Variants in SLC9A9 observed in about 807,000 individuals in gnomAD.
SLC9A9 encodes the protein sodium/hydrogen exchanger 9.
A neutral mutation model predicts 77.8 loss-of-function variants in SLC9A9; 62 were observed. The ratio of observed to expected loss-of-function variants is 0.80; its 90% CI spans 0.65 to 0.98. The LOEUF is 0.98. Among genes scored for constraint, SLC9A9 ranks in the 50% least tolerant of loss-of-function variants. SLC9A9 has a pLI of 0.00. For synonymous variants in SLC9A9, 320 were observed against 283.5 expected (o/e 1.13, Z -1.29); for missense variants, 775 against 774.9 (o/e 1.00, Z 0.00).
chr3:143,499,868 T>TA (rs2035898882), intron 9 of SLC9A9, among the ~76,000 whole-genome samples: 1 of 152,234 alleles, frequency 6.6e-6, no homozygotes, highest in African/African-American at 2.4e-5. Flanking sequence ...AAAATGTTGT[T>TA]AATTACATTA....
intron 6 of SLC9A9, among the ~76,000 whole-genome samples, chr3:143,645,442 C>T (rs775092657): frequency 2.6e-5 from 4 of 152,036 alleles, no homozygotes; most frequent in Non-Finnish European, 5.9e-5. Context: ...TATTGAGGGC[C>T]GAGATGAGTG....
chr3:143,529,137 G>A (rs937306191), intron 9 of SLC9A9, among the ~76,000 whole-genome samples: 7 of 152,200 alleles, frequency 4.6e-5, no homozygotes, highest in African/African-American at 1.7e-4. Context: ...GGGTAGAGAC[G>A]CAGTCAAGCC....
At chr3:143,470,942 T>C (rs943249430) in intron 11 of SLC9A9, among the ~76,000 whole-genome samples, 1 of 152,140 alleles carries the variant, frequency 6.6e-6, no homozygotes, top group African/African-American at 2.4e-5. Context: ...ATATAGAACA[T>C]CTATATTTAC....
chr3:143,389,515 A>C (rs1202368376), intron 12 of SLC9A9, among the ~76,000 whole-genome samples: 2 of 152,196 alleles, frequency 1.3e-5, no homozygotes, highest in Non-Finnish European at 2.9e-5. Context: ...AGCCATATTA[A>C]AGAAGGAGAA....
At chr3:143,398,521 G>A (rs2033779953) in intron 12 of SLC9A9, among the ~76,000 whole-genome samples, 1 of 152,148 alleles carries the variant, frequency 6.6e-6, no homozygotes, top group Non-Finnish European at 1.5e-5. Context: ...AACATATGGA[G>A]TTTGGGAAGA....
chr3:143,355,441 C>T (rs546530299), intron 14 of SLC9A9, among the ~76,000 whole-genome samples: 1 of 152,232 alleles, frequency 6.6e-6, no homozygotes, highest in South Asian at 2.1e-4. Context: ...TAGGGACTTC[C>T]ATTATCCCCA....
intron 6 of SLC9A9, among the ~76,000 whole-genome samples, chr3:143,590,340 A>G (rs1232692956): frequency 2.0e-5 from 3 of 152,346 alleles, no homozygotes; most frequent in Middle Eastern, 3.4e-3. Context: ...ATTAGCTGTT[A>G]TTATTGCTAT....
intron 1 of SLC9A9, among the ~76,000 whole-genome samples, chr3:143,840,857 A>G (rs956412151): frequency 1.1e-4 from 17 of 152,232 alleles, no homozygotes. Flanking sequence ...TGGTTAAGTC[A>G]TAAGTTTTCT....
intron 11 of SLC9A9, among the ~76,000 whole-genome samples, chr3:143,489,778 T>G (rs1302694695): frequency 1.3e-5 from 2 of 152,048 alleles, no homozygotes; most frequent in Non-Finnish European, 1.5e-5. Context: ...AAATGATATG[T>G]CTGATAAAGG....
chr3:143,268,858 G>C lies in SLC9A9; in HGVS notation c.1710+17C>G, dbSNP rs1233906435. 1.3e-6 allele frequency: 2 copies of C among 1,591,212 alleles called. No homozygotes were observed. Among genetic ancestry groups the C allele is most frequent in the East Asian group, 4.5e-5 (2 of 44,378 alleles). The stretch of plus-strand genomic sequence containing the variant: ...CAAGGGATATTCCCTCACCCTAGAG[G>C]CCTGAGATTTACTTACCCCATAGGC... On this transcript the variant is annotated intron_variant, in intron 15 of 15. Coordinates refer to ENST00000316549, the MANE Select transcript of SLC9A9 (RefSeq NM_173653.4).
chr3:143,392,334 C>A (rs187417581), intron 12 of SLC9A9, among the ~76,000 whole-genome samples: 2 of 152,256 alleles, frequency 1.3e-5, no homozygotes, highest in East Asian at 3.9e-4. Flanking sequence ...CCCAGAATTT[C>A]ATATCCAGCC....
intron 14 of SLC9A9, among the ~76,000 whole-genome samples, chr3:143,299,146 A>T (rs1446894819): frequency 6.6e-6 from 1 of 152,220 alleles, no homozygotes; most frequent in Admixed American, 6.5e-5. Flanking sequence ...AAAATGTGGA[A>T]AGAGCATTTA....
At chr3:143,611,646 A>G (rs1317501982) in intron 6 of SLC9A9, among the ~76,000 whole-genome samples, 2 of 152,238 alleles carry the variant, frequency 1.3e-5, no homozygotes, top group African/African-American at 2.4e-5. Context: ...CTGAATAAAA[A>G]TAATAGGTAG....
intron 9 of SLC9A9, chr3:143,517,659 C>A (rs1490014235): frequency 6.3e-7 from 1 of 1,596,986 alleles, no homozygotes; most frequent in Non-Finnish European, 8.5e-7. Context: ...AGTCTGTGTG[C>A]TTTCGCCCGC....
At chr3:143,362,312 C>T (rs1327033204) in intron 14 of SLC9A9, among the ~76,000 whole-genome samples, 1 of 152,186 alleles carries the variant, frequency 6.6e-6, no homozygotes, top group African/African-American at 2.4e-5. Context: ...ACCTCAAAAA[C>T]CCTCTATCTT....
chr3:143,610,941 G>C (rs910564507), intron 6 of SLC9A9, among the ~76,000 whole-genome samples: 1 of 151,922 alleles, frequency 6.6e-6, no homozygotes, highest in African/African-American at 2.4e-5. Context: ...CTCAGTCTGG[G>C]CTTTCTACAG....
intron 4 of SLC9A9, among the ~76,000 whole-genome samples, chr3:143,711,667 A>G (rs1461494680): frequency 2.0e-5 from 3 of 150,182 alleles, no homozygotes; most frequent in Non-Finnish European, 4.4e-5. Context: ...CCTTCCCACT[A>G]TGGCCTCCTG....
At chr3:143,655,679 T>G (rs1331100173) in intron 5 of SLC9A9, 3 of 695,704 alleles carry the variant, frequency 4.3e-6, no homozygotes, top group Non-Finnish European at 4.9e-6. Context: ...AACATGCACA[T>G]GTACACACAC....
chr3:143,543,700 G>A (rs1219398059), intron 9 of SLC9A9, among the ~76,000 whole-genome samples: 1 of 152,106 alleles, frequency 6.6e-6, no homozygotes, highest in Non-Finnish European at 1.5e-5. Flanking sequence ...CTGCATCCAT[G>A]TTGCTGCAAA....
Sources: allele counts gnomAD v4.1 joint callset (sites outside exome capture counted in the v4.1 genomes callset), GRCh38; gene constraint gnomAD v4.1.1; transcripts MANE v1.5; gene names NCBI Gene and HGNC (gene_info 2026-07-23, HGNC 2026-07-21).